The following SORCS2 variants were observed in gnomAD, a reference collection of about 807,000 sequenced individuals.
SORCS2 encodes the protein VPS10 domain-containing receptor SorCS2.
In SORCS2, 100 loss-of-function variants were observed where a neutral mutation model predicts 141.6. That is an observed-to-expected ratio of 0.71 (90% confidence interval 0.60 to 0.83). The LOEUF is 0.83. Ranked by LOEUF, SORCS2 falls within the 40% of genes least tolerant of loss-of-function variation. The pLI, the probability that SORCS2 is intolerant of heterozygous loss-of-function variation, is 0.00. For synonymous variants in SORCS2, 789 were observed against 676.9 expected (o/e 1.17, Z -2.57); for missense variants, 1,646 against 1,560.2 (o/e 1.05, Z -0.93).
chr4:7,703,474 G>A (rs889426806), intron 13 of SORCS2, 103 bp downstream of exon 13: 2 of 896,642 alleles, frequency 2.2e-6, no homozygotes, highest in Non-Finnish European at 3.4e-6. Flanking sequence ...CTCCCCTCGG[G>A]GACACATGAT....
chr4:7,636,040 G>A (rs1045668001), intron 3 of SORCS2, among the ~76,000 whole-genome samples: 2 of 152,222 alleles, frequency 1.3e-5, no homozygotes, highest in African/African-American at 4.8e-5. Context: ...GGTCTAGCAA[G>A]GCCACCATAG....
intron 3 of SORCS2, among the ~76,000 whole-genome samples, chr4:7,576,510 C>G (rs940428073): frequency 1.3e-5 from 2 of 152,138 alleles, no homozygotes; most frequent in Non-Finnish European, 2.9e-5. Flanking sequence ...TTGGATTCAC[C>G]CCTGTGTGCA....
chr4:7,591,510 G>T (rs1243964266), intron 3 of SORCS2, among the ~76,000 whole-genome samples: 1 of 152,192 alleles, frequency 6.6e-6, no homozygotes, highest in Non-Finnish European at 1.5e-5. Flanking sequence ...CTGATCCACC[G>T]AATGGGAAGT....
intron 3 of SORCS2, among the ~76,000 whole-genome samples, chr4:7,543,509 A>ATCCATCCATCCG (rs1261498867): frequency 2.1e-5 from 3 of 142,326 alleles, no homozygotes; most frequent in Non-Finnish European, 4.6e-5. Flanking sequence ...CCATCCATCC[A>ATCCATCCATCCG]TCCATCCATC....
chr4:7,539,970 C>G (rs1445991102), intron 3 of SORCS2, among the ~76,000 whole-genome samples: 1 of 149,700 alleles, frequency 6.7e-6, no homozygotes, highest in Non-Finnish European at 1.5e-5. Flanking sequence ...GTGATGGCAC[C>G]GCCCCTTCCT....
At chr4:7,264,957 G>A (rs1372017768) in intron 1 of SORCS2, among the ~76,000 whole-genome samples, 1 of 152,228 alleles carries the variant, frequency 6.6e-6, no homozygotes, top group East Asian at 1.9e-4. Context: ...ATTCCCGCCT[G>A]GCCGCTCCTC....
At chr4:7,451,846 G>A (rs1033586537) in intron 2 of SORCS2, among the ~76,000 whole-genome samples, 17 of 152,194 alleles carry the variant, frequency 1.1e-4, no homozygotes, top group African/African-American at 4.1e-4. Context: ...GCCCCTCCAG[G>A]CTTCTCAGGG....
At chr4:7,381,254 G>C (rs889504745) in intron 1 of SORCS2, among the ~76,000 whole-genome samples, 1 of 152,184 alleles carries the variant, frequency 6.6e-6, no homozygotes, top group Non-Finnish European at 1.5e-5. Context: ...CTCTTTGGAG[G>C]GGATGGCCGC....
chr4:7,719,154 A>G (rs1726406534), intron 18 of SORCS2, among the ~76,000 whole-genome samples: 1 of 152,220 alleles, frequency 6.6e-6, no homozygotes. Flanking sequence ...GTGCGGCTTC[A>G]CAGTGATGTG....
intron 3 of SORCS2, among the ~76,000 whole-genome samples, chr4:7,577,806 T>C (rs540726909): frequency 6.6e-6 from 1 of 150,416 alleles, no homozygotes; most frequent in African/African-American, 2.5e-5. Context: ...GGGGAAGTTA[T>C]ATAGCATACA....
intron 2 of SORCS2, among the ~76,000 whole-genome samples, chr4:7,505,267 G>C (rs948344313): frequency 6.6e-6 from 1 of 152,226 alleles, no homozygotes; most frequent in African/African-American, 2.4e-5. Flanking sequence ...GGGAGATCCA[G>C]TGGGGCAGCT....
At chr4:7,633,560 G>A (rs1720034870) in intron 3 of SORCS2, among the ~76,000 whole-genome samples, 1 of 145,648 alleles carries the variant, frequency 6.9e-6, no homozygotes, top group Admixed American at 6.9e-5. Flanking sequence ...TGGACCATGT[G>A]GTTTTGCAAT....
rs1716326984 is a variant in SORCS2 at position 7,583,596 on chromosome 4, GTGAA to G, written c.648+51969_648+51972del. Among the ~76,000 whole-genome samples the G allele has an allele frequency of 3.9e-5, 6 of 152,274 alleles. No individual in the cohort carries two copies. In the South Asian group the frequency reaches 1.2e-3, roughly 32 times the overall value. ...TTTCCCCCATACTGTTCTCATGGTA[GTGAA>G]TAAGTCTCACAAGATCTGATGGTTT... On this transcript the variant is annotated intron_variant, in intron 3 of 26. Coordinates refer to ENST00000507866, the MANE Select transcript of SORCS2 (RefSeq NM_020777.3).
At chr4:7,525,896 T>TGTCCCCTCCTCAGTCACCC (rs1733657717) in intron 2 of SORCS2, among the ~76,000 whole-genome samples, 1 of 136,636 alleles carries the variant, frequency 7.3e-6, no homozygotes, top group African/African-American at 2.9e-5. Context: ...CTCAGTCACC[T>TGTCCCCTCCTCAGTCACCC]GTCTCCTCCT....
At chr4:7,262,386 C>CCATCCATA (rs1306890344) in intron 1 of SORCS2, among the ~76,000 whole-genome samples, 1 of 92,448 alleles carries the variant, frequency 1.1e-5, no homozygotes, top group Non-Finnish European at 2.2e-5. Context: ...ATCCATCCAT[C>CCATCCATA]CATCCATCCA....
At chr4:7,705,736 G>A (rs549451866) in intron 14 of SORCS2, among the ~76,000 whole-genome samples, 1 of 152,370 alleles carries the variant, frequency 6.6e-6, no homozygotes, top group East Asian at 1.9e-4. Context: ...TTCCCTTCCA[G>A]CTGGCAATGG....
chr4:7,242,956 G>A (rs886652978), intron 1 of SORCS2, among the ~76,000 whole-genome samples: 1 of 152,224 alleles, frequency 6.6e-6, no homozygotes, highest in East Asian at 1.9e-4. Context: ...GGGCGCCCAT[G>A]GTGGGCTAGC....
intron 1 of SORCS2, among the ~76,000 whole-genome samples, chr4:7,320,761 A>G (rs992876957): frequency 1.3e-5 from 2 of 152,116 alleles, no homozygotes; most frequent in Non-Finnish European, 2.9e-5. Context: ...TGAGATGGAA[A>G]GCGTGATTGG....
At chr4:7,329,470 TCCC>T in intron 1 of SORCS2, among the ~76,000 whole-genome samples, 1 of 151,748 alleles carries the variant, frequency 6.6e-6, no homozygotes, top group Non-Finnish European at 1.5e-5. Flanking sequence ...GCTGAGGGGG[TCCC>T]CTGAGATGCT....
Sources: gnomAD v4.1 joint callset for allele counts (sites outside exome capture counted in the v4.1 genomes callset) on GRCh38, gnomAD v4.1.1 for gene constraint, MANE v1.5 for transcripts, NCBI Gene and HGNC (gene_info 2026-07-23, HGNC 2026-07-21) for gene names.